Variants in TLE1 observed in about 807,000 individuals in gnomAD.
TLE1 encodes the protein TLE family member 1, transcriptional corepressor, also known as transducin-like enhancer protein 1.
TLE1 carries 21 observed loss-of-function variants against 89.8 expected under a neutral mutation model. The ratio of observed to expected loss-of-function variants is 0.23; its 90% confidence interval spans 0.17 to 0.34. TLE1 has a LOEUF of 0.34. Among genes scored for constraint, TLE1 ranks in the 10% least tolerant of loss-of-function variants. The pLI, the probability that TLE1 is intolerant of heterozygous loss-of-function variation, is 1.00. For synonymous variants in TLE1, 447 were observed against 407.6 expected (o/e 1.10, Z -1.16); for missense variants, 795 against 1,031.2 (o/e 0.77, Z 3.14).
intron 9 of TLE1, among the ~76,000 whole-genome samples, chr9:81,619,487 A>G (rs1000781614): frequency 9.9e-5 from 15 of 152,196 alleles, no homozygotes; most frequent in African/African-American, 3.4e-4. Context: ...GTGGCACTCA[A>G]AAAGATGTTA....
chr9:81,652,433 C>A, intron 5 of TLE1, 145 bp from the exon 6 acceptor site: 1 of 620,584 alleles, frequency 1.6e-6, no homozygotes, highest in Non-Finnish European at 2.8e-6. Context: ...ACTTTATTTT[C>A]ACAGAACATA....
intron 4 of TLE1, among the ~76,000 whole-genome samples, chr9:81,681,782 G>A (rs1206708701): frequency 6.6e-6 from 1 of 152,114 alleles, no homozygotes; most frequent in Admixed American, 6.6e-5. Flanking sequence ...TCCCCAGAAA[G>A]ACCAGTCAGC....
intron 8 of TLE1, 39 bp downstream of exon 8, chr9:81,633,309 G>GT: frequency 6.2e-7 from 1 of 1,608,914 alleles, no homozygotes; most frequent in Non-Finnish European, 8.5e-7. Context: ...GTGTGTGTGT[G>GT]TGTGTGTGTG....
intron 8 of TLE1, among the ~76,000 whole-genome samples, chr9:81,623,811 A>G (rs1433118587): frequency 6.6e-6 from 1 of 152,020 alleles, no homozygotes; most frequent in Admixed American, 6.6e-5. Flanking sequence ...AAAATGAAAA[A>G]TAAAAATCAA....
chr9:81,680,474 G>A (rs1399240343), intron 4 of TLE1, among the ~76,000 whole-genome samples: 2 of 152,152 alleles, frequency 1.3e-5, no homozygotes, highest in Non-Finnish European at 2.9e-5. Flanking sequence ...CATTCCGTTT[G>A]AATTTTCAAA....
chr9:81,683,759 G>A (rs1438585242), intron 4 of TLE1, among the ~76,000 whole-genome samples: 1 of 152,084 alleles, frequency 6.6e-6, no homozygotes, highest in Non-Finnish European at 1.5e-5. Context: ...AAATTGCTAA[G>A]CCAATTATAC....
intron 4 of TLE1, among the ~76,000 whole-genome samples, chr9:81,664,139 G>T (rs1266230798): frequency 6.6e-6 from 1 of 151,896 alleles, no homozygotes; most frequent in Non-Finnish European, 1.5e-5. Flanking sequence ...AAGAAAGTTA[G>T]GAGCCAGGCA....
intron 4 of TLE1, among the ~76,000 whole-genome samples, chr9:81,672,503 C>T (rs1832355978): frequency 6.6e-6 from 1 of 150,548 alleles, no homozygotes; most frequent in Non-Finnish European, 1.5e-5. Flanking sequence ...AGTACATCAG[C>T]AGCAGCTGTG....
chr9:81,645,158 C>T (rs1459726903), intron 6 of TLE1, among the ~76,000 whole-genome samples: 1 of 151,442 alleles, frequency 6.6e-6, no homozygotes, highest in Admixed American at 6.6e-5. Context: ...TCAGGAGTTC[C>T]AGACCAGCCT....
chr9:81,628,683 A>G (rs1380159979), intron 8 of TLE1, among the ~76,000 whole-genome samples: 1 of 152,206 alleles, frequency 6.6e-6, no homozygotes, highest in African/African-American at 2.4e-5. Context: ...CAAGTTCTAA[A>G]TACAAACTCC....
chr9:81,613,933 A>AGTCT, intron 11 of TLE1, among the ~76,000 whole-genome samples: 1 of 115,276 alleles, frequency 8.7e-6, no homozygotes, highest in East Asian at 2.7e-4. Context: ...TTTGAGATGG[A>AGTCT]GTCTCACTCT....
chr9:81,589,387 T>C (rs966394568), intron 16 of TLE1, among the ~76,000 whole-genome samples: 1 of 152,178 alleles, frequency 6.6e-6, no homozygotes, highest in Non-Finnish European at 1.5e-5. Flanking sequence ...CGTGCTGGGT[T>C]ACAGTGGATA....
intron 8 of TLE1, among the ~76,000 whole-genome samples, chr9:81,631,110 A>G (rs926216581): frequency 1.2e-4 from 18 of 152,234 alleles, no homozygotes; most frequent in Admixed American, 1.2e-3. Context: ...ACATAAATCC[A>G]CATTTGAACT....
intron 6 of TLE1, among the ~76,000 whole-genome samples, chr9:81,649,659 C>T (rs560709218): frequency 6.6e-6 from 1 of 152,130 alleles, no homozygotes; most frequent in Non-Finnish European, 1.5e-5. Context: ...TACCCTAAGT[C>T]GGCCCCTGAA....
intron 4 of TLE1, among the ~76,000 whole-genome samples, chr9:81,668,634 A>C (rs1056585330): frequency 6.6e-6 from 1 of 152,200 alleles, no homozygotes; most frequent in Admixed American, 6.5e-5. Flanking sequence ...TGGGAAAAAA[A>C]GTGTCGTATG....
chr9:81,655,482 G>A (rs1179698851), intron 4 of TLE1, among the ~76,000 whole-genome samples: 2 of 152,080 alleles, frequency 1.3e-5, no homozygotes, highest in Non-Finnish European at 2.9e-5. Context: ...TCTACTTCTA[G>A]CCCAGGGAAG....
chr9:81,664,097 T>C (rs1831163872), intron 4 of TLE1, among the ~76,000 whole-genome samples: 1 of 152,022 alleles, frequency 6.6e-6, no homozygotes, highest in African/African-American at 2.4e-5. Context: ...ACATCTCTAG[T>C]TCCTGAAGAT....
intron 15 of TLE1, among the ~76,000 whole-genome samples, chr9:81,592,130 G>A (rs371888008): frequency 9.9e-5 from 15 of 152,284 alleles, no homozygotes; most frequent in Admixed American, 2.6e-4. Flanking sequence ...AGGCCAAGGC[G>A]GGCGGATCAC....
In TLE1 at chr9:81,653,955, G is replaced by C; in HGVS notation, c.297+19C>G. 1 of 1,612,206 alleles carries C rather than the reference G, an allele frequency of 6.2e-7. No homozygotes were observed. The highest frequency in any genetic ancestry group is 8.5e-7 in the Non-Finnish European group (1 of 1,178,554). Reference sequence around the variant, plus strand: ...GAAGCAACATAATTGCACTTTAACAGCTGAACAATTTTACTTACTTCCTGA... The same window carrying C: ...GAAGCAACATAATTGCACTTTAACACCTGAACAATTTTACTTACTTCCTGA... On this transcript the variant is annotated intron_variant, in intron 5 of 19. Transcript: ENST00000376499.
Sources: gnomAD v4.1 joint callset for allele counts (sites outside exome capture counted in the v4.1 genomes callset) on GRCh38, gnomAD v4.1.1 for gene constraint, MANE v1.5 for transcripts, NCBI Gene and HGNC (gene_info 2026-07-23, HGNC 2026-07-21) for gene names.